Variants in JAKMIP2 observed in about 807,000 individuals in gnomAD.
JAKMIP2 encodes the protein janus kinase and microtubule interacting protein 2.
In JAKMIP2, 25 loss-of-function variants were observed where a neutral mutation model predicts 115.0. The ratio of observed to expected loss-of-function variants is 0.22; its 90% CI spans 0.16 to 0.30. The LOEUF (loss-of-function observed/expected upper bound fraction) is 0.30, where lower values mean the gene tolerates loss of function less well. Ranked by LOEUF, JAKMIP2 falls within the 10% of genes least tolerant of loss-of-function variation. The probability of loss-of-function intolerance (pLI) is 1.00; values close to 1 mark genes in which losing one functional copy is unlikely to be tolerated. For synonymous variants in JAKMIP2, 334 were observed against 343.6 expected (o/e 0.97, Z 0.31); for missense variants, 642 against 957.6 (o/e 0.67, Z 4.35).
In JAKMIP2 at chr5:147,663,695, A is replaced by G. The variant is rs111359371; in HGVS notation, c.130-2250T>C. Among the ~76,000 whole-genome samples the G allele has an allele frequency of 7.8e-3, 1,191 of 152,312 alleles. 17 individuals carry two copies. The highest frequency in any genetic ancestry group is 0.027 in the African/African-American group (1,108 of 41,566). On this transcript the variant is annotated intron_variant, in intron 2 of 21. Transcript: ENST00000616793. ...AGAACAGTATTTTCTAAGTTTGCAT[A>G]GTATTTTGTGAACAGTTTATTTTTA...
At chr5:147,604,989 C>T (rs1474515125) in intron 20 of JAKMIP2, among the ~76,000 whole-genome samples, 8 of 151,736 alleles carry the variant, frequency 5.3e-5, no homozygotes, top group Non-Finnish European at 1.0e-4. Flanking sequence ...CCCCACCCCC[C>T]GACAGGCCCT....
chr5:147,713,126 G>A (rs895203931), intron 1 of JAKMIP2, among the ~76,000 whole-genome samples: 1 of 152,122 alleles, frequency 6.6e-6, no homozygotes, highest in African/African-American at 2.4e-5. Flanking sequence ...GACATCTATA[G>A]CCAGCAATGA....
chr5:147,634,139 T>C (rs1757498566), intron 12 of JAKMIP2, among the ~76,000 whole-genome samples: 1 of 152,192 alleles, frequency 6.6e-6, no homozygotes, highest in African/African-American at 2.4e-5. Context: ...CTTTTTACCA[T>C]AGCACGAATC....
chr5:147,698,961 G>A (rs1191973172), intron 1 of JAKMIP2, among the ~76,000 whole-genome samples: 1 of 152,066 alleles, frequency 6.6e-6, no homozygotes. Context: ...TCACAGTCTG[G>A]CTTGAACCTC....
At chr5:147,751,247 T>TTTG (rs1219035468) in intron 1 of JAKMIP2, among the ~76,000 whole-genome samples, 25 of 138,912 alleles carry the variant, frequency 1.8e-4, no homozygotes, top group African/African-American at 5.0e-4. Context: ...AAGTTGTTTT[T>TTTG]TTGTTGTTGT....
chr5:147,636,972 T>C lies in JAKMIP2; in HGVS notation c.1607A>G (p.Lys536Arg), dbSNP rs1485396880. Residue 536 changes from lysine (K) to arginine (R), a missense_variant, in exon 11 of 22, where the codon AAA becomes AGA. Around this residue, in one of 6 missense-constraint regions of JAKMIP2, gnomAD observed 103 missense variants for 177.6 expected, o/e 0.58. Coordinates refer to ENST00000616793, the MANE Select transcript of JAKMIP2 (RefSeq NM_001270941.2). ...IEDLEATLAQ[K>R]GQDSHWVEDK... is the part of the protein sequence containing the mutation. ...TAGCAACCAAATGCCTACCTGCCCT[T>C]TCTGAGCCAGAGTCGCTTCCAGGTC... 3 of 872,824 alleles carry C rather than the reference T, an allele frequency of 3.4e-6. No homozygotes were observed. Among genetic ancestry groups the C allele is most frequent in the South Asian group, 1.3e-5 (1 of 76,550 alleles). 54.1% of individuals were successfully genotyped at this position (872,824 alleles called of 1,614,324 possible). A position where few individuals can be genotyped will look rare whatever the true frequency, so the allele number is the denominator to read the frequency against.
At chr5:147,635,553 T>C (rs773808767) in intron 12 of JAKMIP2, among the ~76,000 whole-genome samples, 1 of 152,036 alleles carries the variant, frequency 6.6e-6, no homozygotes, top group Non-Finnish European at 1.5e-5. Context: ...TAGAGGTTTC[T>C]TTGTTTTGTT....
chr5:147,598,583 T>C (rs952284843), intron 21 of JAKMIP2, among the ~76,000 whole-genome samples: 22 of 152,288 alleles, frequency 1.4e-4, no homozygotes, highest in African/African-American at 5.1e-4. Context: ...TAATATCTTC[T>C]GGAACTACTT....
chr5:147,757,400 T>C (rs1257720184), intron 1 of JAKMIP2, among the ~76,000 whole-genome samples: 1 of 152,110 alleles, frequency 6.6e-6, no homozygotes, highest in Non-Finnish European at 1.5e-5. Context: ...ATCCACATGA[T>C]TAAATGTGGT....
chr5:147,687,049 C>T (rs1760605007), intron 1 of JAKMIP2, among the ~76,000 whole-genome samples: 1 of 152,078 alleles, frequency 6.6e-6, no homozygotes, highest in African/African-American at 2.4e-5. Context: ...TTCCAAAGCC[C>T]TGGAGTCCTG....
At chr5:147,685,259 G>C (rs1376214510) in intron 1 of JAKMIP2, among the ~76,000 whole-genome samples, 2 of 152,152 alleles carry the variant, frequency 1.3e-5, no homozygotes, top group African/African-American at 4.8e-5. Flanking sequence ...GAGAAGGAAA[G>C]GTTGAAGATG....
intron 2 of JAKMIP2, among the ~76,000 whole-genome samples, chr5:147,671,028 G>A (rs1190704646): frequency 6.6e-6 from 1 of 152,204 alleles, no homozygotes; most frequent in East Asian, 1.9e-4. Flanking sequence ...TCAGATGCTT[G>A]ATGGTTGAGC....
intron 1 of JAKMIP2, among the ~76,000 whole-genome samples, chr5:147,744,616 T>C (rs1008924009): frequency 2.0e-5 from 3 of 152,214 alleles, no homozygotes; most frequent in Non-Finnish European, 4.4e-5. Flanking sequence ...ATTTATTATA[T>C]AAAATTAATC....
At chr5:147,594,361 G>T (rs1485978844) in intron 21 of JAKMIP2, 4 of 419,902 alleles carry the variant, frequency 9.5e-6, no homozygotes, top group East Asian at 7.3e-5. Context: ...TTGATACAGG[G>T]TCTTGCTTTG....
chr5:147,592,022 C>T (rs72835126), intron 21 of JAKMIP2, among the ~76,000 whole-genome samples: 16,497 of 152,126 alleles, frequency 0.11, 1,101 homozygotes, highest in East Asian at 0.2. Flanking sequence ...AATCATGCCC[C>T]AACATATCCA....
intron 1 of JAKMIP2, among the ~76,000 whole-genome samples, chr5:147,695,202 T>A (rs1156972715): frequency 6.6e-6 from 1 of 152,166 alleles, no homozygotes; most frequent in Admixed American, 6.5e-5. Context: ...CAGTTGCCAA[T>A]GATCCAACTA....
In JAKMIP2 at chr5:147,623,872, C is replaced by T. The variant is rs1279266255; in HGVS notation, c.1996-183G>A. Among the ~76,000 whole-genome samples the T allele has an allele frequency of 3.3e-5, 5 of 152,116 alleles. No homozygotes were observed. In the South Asian group the frequency reaches 6.2e-4, roughly 19 times the overall value. ...TTGTTTTTGAAACGGAATCTCGCTCCGTTGCCCAGGCTGGAGTGCAGTGAC... is the reference window on the plus strand; with the variant it reads ...TTGTTTTTGAAACGGAATCTCGCTCTGTTGCCCAGGCTGGAGTGCAGTGAC... On this transcript the variant is annotated intron_variant, in intron 16 of 21. Coordinates refer to ENST00000616793, the MANE Select transcript of JAKMIP2 (RefSeq NM_001270941.2).
intron 16 of JAKMIP2, among the ~76,000 whole-genome samples, chr5:147,628,257 G>A (rs1757195754): frequency 6.6e-6 from 1 of 152,070 alleles, no homozygotes; most frequent in Admixed American, 6.5e-5. Context: ...TAGACACAAG[G>A]TGGAGCCAGA....
chr5:147,748,284 T>C lies in JAKMIP2; in HGVS notation c.-149+34172A>G, dbSNP rs113078346. Among the ~76,000 whole-genome samples, 79 of 152,242 alleles carry C rather than the reference T, an allele frequency of 5.2e-4. 1 individual carries two copies. The highest frequency in any genetic ancestry group is 1.9e-3 in the African/African-American group (78 of 41,554). On this transcript the variant is annotated intron_variant, in intron 1 of 21. Transcript: ENST00000616793. ...AGGAATATGTGAAATAATATATATA[T>C]ATAAATCCCACAGAACAGTTTCTGG...
Sources: gnomAD v4.1 joint callset for allele counts (sites outside exome capture counted in the v4.1 genomes callset) on GRCh38, gnomAD v4.1.1 for gene constraint, gnomAD v4.1.1 regional missense constraint, MANE v1.5 for transcripts, NCBI Gene and HGNC (gene_info 2026-07-23, HGNC 2026-07-21) for gene names.